Variants in MAT2B observed in about 807,000 individuals in gnomAD.
MAT2B encodes methionine adenosyltransferase 2 non-catalytic beta subunit.
A neutral mutation model predicts 36.1 loss-of-function variants in MAT2B; 16 were observed. The observed-to-expected ratio is 0.44, with a 90% CI of 0.30 to 0.67. The LOEUF (loss-of-function observed/expected upper bound fraction) is 0.67. Among genes scored for constraint, MAT2B ranks in the 30% least tolerant of loss-of-function variants. The pLI is 0.09. For synonymous variants in MAT2B, 148 were observed against 136.9 expected (o/e 1.08, Z -0.57); for missense variants, 332 against 398.2 (o/e 0.83, Z 1.42).
rs1295709031 is a variant in MAT2B at position 163,513,647 on chromosome 5, T to C, written c.351T>C (p.Ser117=). 11 of 1,613,348 alleles carry C rather than the reference T, an allele frequency of 6.8e-6. No individual in the cohort carries two copies. In the East Asian group the frequency reaches 2.0e-4, roughly 29 times the overall value. Reference sequence around the variant, plus strand: ...CCTCTCAACTTAATGTGGATGCTTCTGGGAATTTAGCAAAGGAAGCAGGTA... The same window carrying C: ...CCTCTCAACTTAATGTGGATGCTTCCGGGAATTTAGCAAAGGAAGCAGGTA... ...DAASQLNVDA[S]GNLAKEAAAV... is the part of the protein sequence containing the mutation. Residue 117 remains serine, a synonymous_variant, in exon 3 of 7, where the codon TCT becomes TCC. Coordinates refer to ENST00000321757, the MANE Select transcript of MAT2B (RefSeq NM_013283.5).
chr5:163,513,595 ATGT>A lies in MAT2B; in HGVS notation c.303_305del (p.Val102del), dbSNP rs779023805. The A allele has an allele frequency of 1.9e-6, 3 of 1,613,714 alleles. No homozygotes were observed. The highest frequency in any genetic ancestry group is 4.5e-5 in the East Asian group (2 of 44,844). Reference sequence around the variant, plus strand: ...CATTGTGCAGCAGAGAGAAGACCAGATGTTGTAGAAAATCAGCCAGATGCTGCC... The same window carrying A: ...CATTGTGCAGCAGAGAGAAGACCAGATGTAGAAAATCAGCCAGATGCTGCC... On this transcript the variant is annotated inframe_deletion, in exon 3 of 7. Transcript: ENST00000321757.
Position 163,518,657 on chromosome 5 carries a change from G to C in MAT2B, c.*294G>C, listed in dbSNP as rs1198788861. 3 of 202,484 alleles carry C rather than the reference G, an allele frequency of 1.5e-5. No individual in the cohort carries two copies. The highest frequency in any genetic ancestry group is 6.9e-5 in the African/African-American group (3 of 43,406). 12.5% of individuals were successfully genotyped at this position (202,484 alleles called of 1,614,324 possible). Reference sequence around the variant, plus strand: ...AGAGTCAGGATGAAGCAGATCTGCTGTAGACTTTTCAGATGAAATTGTTCA... The same window carrying C: ...AGAGTCAGGATGAAGCAGATCTGCTCTAGACTTTTCAGATGAAATTGTTCA... On this transcript the variant is annotated 3_prime_UTR_variant, in exon 7 of 7. Coordinates refer to ENST00000321757, the MANE Select transcript of MAT2B (RefSeq NM_013283.5).
intron 2 of MAT2B, chr5:163,512,892 G>A (rs1281503770): frequency 1.7e-5 from 5 of 290,256 alleles, no homozygotes; most frequent in Non-Finnish European, 3.4e-5. Flanking sequence ...TGTTGGCCAG[G>A]CTGGTCTTGA....
upstream of MAT2B, among the ~76,000 whole-genome samples, chr5:163,505,071 C>T (rs1221829520): frequency 6.6e-6 from 1 of 152,088 alleles, no homozygotes; most frequent in Non-Finnish European, 1.5e-5. Flanking sequence ...TTTGATATCT[C>T]ACACACAGGT....
At position 163,513,461 on chromosome 5, in the gene MAT2B, T is replaced by TA. The variant is rs1717369273; in HGVS notation, c.259-93dup. 3 of 678,068 alleles carry TA rather than the reference T, an allele frequency of 4.4e-6. No individual in the cohort carries two copies. The Admixed American group carries it at 7.3e-5, about 16-fold the overall frequency. The allele number at this position is 678,068 out of a possible 1,614,324, so 42.0% of individuals were successfully genotyped here. ...ATTCTTAGTTGAAAGAATGTTGACT[T>TA]ACTGCACATTTTTCTCTGAATTAAC... On this transcript the variant is annotated intron_variant, in intron 2 of 6. Coordinates refer to ENST00000321757, the MANE Select transcript of MAT2B (RefSeq NM_013283.5).
intron 2 of MAT2B, 170 bp from the exon 3 acceptor site, chr5:163,513,385 G>T: frequency 3.8e-6 from 2 of 530,052 alleles, no homozygotes; most frequent in Admixed American, 3.3e-5. Context: ...TTTGAACCTT[G>T]CGGGGAAAAG....
chr5:163,504,921 A>G (rs1156463291), upstream of MAT2B, among the ~76,000 whole-genome samples: 1 of 152,158 alleles, frequency 6.6e-6, no homozygotes, highest in Non-Finnish European at 1.5e-5. Context: ...CCCATTAAGA[A>G]GTCGGACCCC....
At position 163,518,295 on chromosome 5, in the gene MAT2B, A is replaced by T. The variant is rs368383130; in HGVS notation, c.937A>T (p.Ile313Phe). Reference protein sequence around the residue: ...LGIGQRTPFRIGIKESLWPFL... With the variant: ...LGIGQRTPFRFGIKESLWPFL... ...CATTGGCCAACGAACACCATTTCGA[A>T]TTGGAATCAAAGAATCACTTTGGCC... is the stretch of plus-strand genomic sequence containing the variant. The change falls in exon 7 of 7, where the codon ATT becomes TTT. Residue 313 changes from isoleucine (I) to phenylalanine (F), a missense_variant. Transcript: ENST00000321757. The T allele has an allele frequency of 6.2e-6, 10 of 1,613,904 alleles. No homozygotes were observed. The African/African-American group carries it at 1.3e-4, about 22-fold the overall frequency.
At chr5:163,518,165 A>T (rs1581216268) in intron 6 of MAT2B, 28 bp from the exon 7 acceptor site, 1 of 1,549,108 alleles carries the variant, frequency 6.5e-7, no homozygotes, top group Non-Finnish European at 8.7e-7. Context: ...CTTACTTTTG[A>T]TTTTTTTGTG....
At chr5:163,517,771 C>A in intron 6 of MAT2B, 97 bp downstream of exon 6, 1 of 716,342 alleles carries the variant, frequency 1.4e-6, no homozygotes, top group East Asian at 2.7e-5. Context: ...TCAAAGTGAA[C>A]TTTGCTTGTA....
In MAT2B at chr5:163,514,901, C is replaced by T. The variant is rs565059895; in HGVS notation, c.526+907C>T. ...CTGCTATAACAGAATACCAACAACT[C>T]AGTAATTTATAAAGAACAGAAATTT... On this transcript the variant is annotated intron_variant, in intron 4 of 6. Coordinates refer to ENST00000321757, the MANE Select transcript of MAT2B (RefSeq NM_013283.5). 1.1e-4 allele frequency among the ~76,000 whole-genome samples: 16 copies of T among 152,280 alleles called. 1 individual carries two copies. The South Asian group carries it at 3.1e-3, about 30-fold the overall frequency.
At chr5:163,512,775 G>A (rs899982279) in intron 2 of MAT2B, 1 of 422,064 alleles carries the variant, frequency 2.4e-6, no homozygotes, top group Non-Finnish European at 4.7e-6. Flanking sequence ...CGCCTCCCAG[G>A]GTTCAAGCAA....
Position 163,506,512 on chromosome 5 carries a change from C to T in MAT2B, c.63+763C>T, listed in dbSNP as rs1759941821. Among the ~76,000 whole-genome samples the T allele has an allele frequency of 2.6e-5, 4 of 152,276 alleles. No individual in the cohort carries two copies. The South Asian group carries it at 6.2e-4, about 24-fold the overall frequency. Reference sequence around the variant, plus strand: ...GCATTAATCTGTCCACAGAACATATCCAACCCTGGGGATAAGAACACTACT... The same window carrying T: ...GCATTAATCTGTCCACAGAACATATTCAACCCTGGGGATAAGAACACTACT... On this transcript the variant is annotated intron_variant, in intron 1 of 6. Transcript: ENST00000321757.
At chr5:163,513,775 C>T in intron 3 of MAT2B, 67 bp from the exon 4 acceptor site, 14 of 1,527,932 alleles carry the variant, frequency 9.2e-6, no homozygotes, top group South Asian at 1.2e-5. Flanking sequence ...CATGAAAAAC[C>T]ATTCTAAATT....
intron 1 of MAT2B, among the ~76,000 whole-genome samples, chr5:163,508,261 T>TG (rs200468386): frequency 0.031 from 4,732 of 152,294 alleles, 255 homozygotes; most frequent in African/African-American, 0.1. Context: ...TTTCTTTTTT[T>TG]TCCTCTTGCT....
intron 1 of MAT2B, among the ~76,000 whole-genome samples, chr5:163,511,638 A>G (rs1760046461): frequency 6.6e-6 from 1 of 151,598 alleles, no homozygotes; most frequent in South Asian, 2.1e-4. Context: ...TCATTGTTCT[A>G]ACTTTATTTA....
intron 1 of MAT2B, among the ~76,000 whole-genome samples, chr5:163,509,008 G>A (rs866246380): frequency 3.3e-5 from 5 of 152,020 alleles, no homozygotes; most frequent in Non-Finnish European, 7.4e-5. Flanking sequence ...CCTTTTTTAC[G>A]TTAAGGTATT....
intron 1 of MAT2B, among the ~76,000 whole-genome samples, chr5:163,511,725 GT>G (rs1256906504): frequency 1.3e-5 from 2 of 151,686 alleles, no homozygotes; most frequent in South Asian, 2.1e-4. Flanking sequence ...TATTTTTACT[GT>G]TTTTTTGTAT....
At chr5:163,513,389 G>C in intron 2 of MAT2B, 166 bp from the exon 3 acceptor site, 2 of 534,916 alleles carry the variant, frequency 3.7e-6, no homozygotes, top group Admixed American at 6.7e-5. Flanking sequence ...AACCTTGCGG[G>C]GAAAAGAAGC....
Sources: allele counts gnomAD v4.1 joint callset (sites outside exome capture counted in the v4.1 genomes callset), GRCh38; gene constraint gnomAD v4.1.1; transcripts MANE v1.5; gene names NCBI Gene and HGNC (gene_info 2026-07-23, HGNC 2026-07-21).